IL1RAPL2: variants seen among roughly 807,000 people sequenced by gnomAD.
IL1RAPL2 encodes X-linked interleukin-1 receptor accessory protein-like 2.
In IL1RAPL2, 3 loss-of-function variants were observed where a neutral mutation model predicts 44.1. That is an observed-to-expected ratio of 0.07 (90% CI 0.03 to 0.18). The LOEUF (loss-of-function observed/expected upper bound fraction) is 0.18. Ranked by LOEUF, IL1RAPL2 falls within the 10% of genes least tolerant of loss-of-function variation. The pLI is 1.00. For synonymous variants in IL1RAPL2, 181 were observed against 178.8 expected, an observed-to-expected ratio of 1.01 and a Z score of -0.10; for missense variants, 391 against 496.4, an observed-to-expected ratio of 0.79 and a Z score of 2.02.
At chrX:105,285,377 C>T (rs1427126976) in intron 5 of IL1RAPL2, among the ~76,000 whole-genome samples, 2 of 111,918 alleles carry the variant, frequency 1.8e-5, no homozygotes, top group Non-Finnish European at 3.8e-5. Context: ...TTATCCTGTC[C>T]TATTAACCAA....
In IL1RAPL2 at chrX:105,212,930, T is replaced by A. The variant is rs964257692; in HGVS notation, c.356+17182T>A. ...AACTAACAAACAGAAACCAACAACA[T>A]CAACATCAGTATCAAGGAGCCCCAC... On this transcript the variant is annotated intron_variant, in intron 3 of 10. Coordinates refer to ENST00000372582, the MANE Select transcript of IL1RAPL2 (RefSeq NM_017416.2). Among the ~76,000 whole-genome samples the A allele has an allele frequency of 9.9e-5, 11 of 111,483 alleles. No individual in the cohort carries two copies. In the East Asian group the frequency reaches 2.0e-3, roughly 20 times the overall value.
chrX:104,585,725 A>G (rs181183428), intron 1 of IL1RAPL2, among the ~76,000 whole-genome samples: 5 of 109,102 alleles, frequency 4.6e-5, no homozygotes, highest in African/African-American at 1.7e-4. Context: ...TAGTTTACTA[A>G]GAATAATGGC....
At chrX:105,119,352 A>G (rs1012204477) in intron 2 of IL1RAPL2, among the ~76,000 whole-genome samples, 1 of 110,873 alleles carries the variant, frequency 9.0e-6, no homozygotes, top group African/African-American at 3.3e-5. Flanking sequence ...TGGAACCCCA[A>G]CTCATGGGGG....
chrX:105,153,166 T>C (rs1301662442), intron 2 of IL1RAPL2, among the ~76,000 whole-genome samples: 5 of 112,326 alleles, frequency 4.5e-5, no homozygotes, highest in African/African-American at 1.6e-4. Context: ...TTCTTCCAAC[T>C]TGGAGTTCTT....
chrX:104,926,271 A>T (rs1416559113), intron 2 of IL1RAPL2, among the ~76,000 whole-genome samples: 3 of 112,224 alleles, frequency 2.7e-5, no homozygotes, highest in African/African-American at 9.7e-5. Context: ...GAACTGCTTG[A>T]GATGTACTAG....
intron 6 of IL1RAPL2, among the ~76,000 whole-genome samples, chrX:105,602,807 A>T (rs1396429764): frequency 9.1e-6 from 1 of 110,289 alleles, no homozygotes; most frequent in Non-Finnish European, 1.9e-5. Context: ...AGAAAAAAAA[A>T]AAAACCTGTT....
At chrX:104,780,167 A>C (rs1270827329) in intron 2 of IL1RAPL2, among the ~76,000 whole-genome samples, 2 of 112,090 alleles carry the variant, frequency 1.8e-5, no homozygotes, top group Non-Finnish European at 3.8e-5. Flanking sequence ...GATTAAAAAA[A>C]CACCAAAATA....
At chrX:105,502,193 C>A (rs1189045939) in intron 6 of IL1RAPL2, among the ~76,000 whole-genome samples, 1 of 112,202 alleles carries the variant, frequency 8.9e-6, no homozygotes, top group Admixed American at 9.5e-5. Context: ...TTATGCTGAA[C>A]TATAATCTCA....
At chrX:105,683,624 A>G (rs2037944439) in intron 6 of IL1RAPL2, among the ~76,000 whole-genome samples, 1 of 111,504 alleles carries the variant, frequency 9.0e-6, no homozygotes, top group African/African-American at 3.3e-5. Flanking sequence ...AAACAGAATA[A>G]AAAAAAACTC....
chrX:104,776,192 G>A (rs1569312550), intron 2 of IL1RAPL2, among the ~76,000 whole-genome samples: 1 of 112,086 alleles, frequency 8.9e-6, no homozygotes. Flanking sequence ...GAATGTTGGG[G>A]GTAGGCAAAA....
At chrX:105,509,127 C>G (rs60433701) in intron 6 of IL1RAPL2, among the ~76,000 whole-genome samples, 22,526 of 110,347 alleles carry the variant, frequency 0.2, 5,463 homozygotes, top group African/African-American at 0.72. Context: ...TTACATTTTA[C>G]TTGAGAGACA....
intron 2 of IL1RAPL2, among the ~76,000 whole-genome samples, chrX:104,741,426 C>T (rs1236069675): frequency 1.8e-5 from 2 of 109,747 alleles, no homozygotes; most frequent in Non-Finnish European, 3.8e-5. Context: ...CATTTTTTGC[C>T]CAGGGTGATG....
chrX:104,630,512 G>A (rs1301291967), intron 1 of IL1RAPL2, among the ~76,000 whole-genome samples: 1 of 107,072 alleles, frequency 9.3e-6, no homozygotes, highest in Non-Finnish European at 1.9e-5. Context: ...TGGCCAGACT[G>A]GTCTCGAACT....
intron 6 of IL1RAPL2, among the ~76,000 whole-genome samples, chrX:105,635,454 GGGTGCCAGAAGA>G (rs2037516760): frequency 9.0e-6 from 1 of 111,584 alleles, no homozygotes; most frequent in Non-Finnish European, 1.9e-5. Flanking sequence ...CGGAAGGTCA[GGGTGCCAGAAGA>G]AGGTGTTTAG....
chrX:105,167,155 A>G (rs6616575), intron 2 of IL1RAPL2, among the ~76,000 whole-genome samples: 1,609 of 112,100 alleles, frequency 0.014, 26 homozygotes, highest in African/African-American at 0.048. Flanking sequence ...TCCCCAGATC[A>G]TCAACTGAAG....
At chrX:104,986,393 T>C (rs1221171886) in intron 2 of IL1RAPL2, among the ~76,000 whole-genome samples, 2 of 112,497 alleles carry the variant, frequency 1.8e-5, no homozygotes, top group Non-Finnish European at 3.8e-5. Context: ...TAGCTATTGT[T>C]ATTATGTGCT....
chrX:105,306,761 GT>G (rs778673813), intron 5 of IL1RAPL2, among the ~76,000 whole-genome samples: 4 of 111,269 alleles, frequency 3.6e-5, no homozygotes, highest in Non-Finnish European at 5.7e-5. Context: ...ATTGGGTGTG[GT>G]GGCTCACACC....
At chrX:104,732,306 A>T (rs2147572703) in intron 2 of IL1RAPL2, among the ~76,000 whole-genome samples, 1 of 111,650 alleles carries the variant, frequency 9.0e-6, no homozygotes, top group South Asian at 3.7e-4. Context: ...AAACAAAGAA[A>T]TGATAGAGAA....
At chrX:105,496,610 T>C (rs1449198142) in intron 6 of IL1RAPL2, among the ~76,000 whole-genome samples, 2 of 112,014 alleles carry the variant, frequency 1.8e-5, no homozygotes, top group Non-Finnish European at 3.8e-5. Flanking sequence ...GAGTATAAGA[T>C]ATCATTCATT....
Sources: allele counts gnomAD v4.1 joint callset (sites outside exome capture counted in the v4.1 genomes callset), GRCh38; gene constraint gnomAD v4.1.1; transcripts MANE v1.5; gene names NCBI Gene and HGNC (gene_info 2026-07-23, HGNC 2026-07-21).